The following SNTB2 variants were observed in gnomAD, a reference collection of about 807,000 sequenced individuals.
SNTB2 encodes syntrophin beta 2.
SNTB2 carries 34 observed loss-of-function variants against 46.2 expected under a neutral mutation model. The observed-to-expected ratio is 0.74, with a 90% confidence interval of 0.56 to 0.98. The LOEUF is 0.98. SNTB2 is among the 50% of genes least tolerant of loss of function. SNTB2 has a pLI of 0.00. For synonymous variants in SNTB2, 290 were observed against 312.6 expected (o/e 0.93, Z 0.76); for missense variants, 603 against 731.4 (o/e 0.82, Z 2.02).
intron 2 of SNTB2, 39 bp downstream of exon 2, chr16:69,245,854 T>G: frequency 6.3e-7 from 1 of 1,589,476 alleles, no homozygotes; most frequent in Non-Finnish European, 8.6e-7. Flanking sequence ...CCTACAGCTT[T>G]ACAAACTTAA....
chr16:69,292,278 T>C (rs1965166459), intron 5 of SNTB2, among the ~76,000 whole-genome samples: 2 of 144,906 alleles, frequency 1.4e-5, no homozygotes, highest in African/African-American at 5.2e-5. Context: ...GTGGATAACA[T>C]ATACACTGGT....
intron 1 of SNTB2, among the ~76,000 whole-genome samples, chr16:69,198,512 C>G (rs1964127822): frequency 6.6e-6 from 1 of 152,134 alleles, no homozygotes. Flanking sequence ...AAGATGTAGT[C>G]CATTCTTATT....
At chr16:69,247,313 C>G (rs956721580) in intron 2 of SNTB2, among the ~76,000 whole-genome samples, 7 of 152,062 alleles carry the variant, frequency 4.6e-5, no homozygotes, top group African/African-American at 1.4e-4. Context: ...TGTTCTATAA[C>G]TTTGTCTTCA....
intron 2 of SNTB2, among the ~76,000 whole-genome samples, chr16:69,256,285 T>G (rs1311513444): frequency 6.6e-6 from 1 of 152,150 alleles, no homozygotes; most frequent in Non-Finnish European, 1.5e-5. Context: ...CTCCCCAAAG[T>G]GTTGGGATTA....
At chr16:69,239,993 T>C (rs1334425780) in intron 1 of SNTB2, among the ~76,000 whole-genome samples, 1 of 152,220 alleles carries the variant, frequency 6.6e-6, no homozygotes, top group African/African-American at 2.4e-5. Flanking sequence ...AGTGTTCTAT[T>C]CTATAGCTGT....
chr16:69,188,037 G>C (rs1475463455), intron 1 of SNTB2, among the ~76,000 whole-genome samples: 1 of 152,084 alleles, frequency 6.6e-6, no homozygotes, highest in African/African-American at 2.4e-5. Context: ...GAACTTGAGG[G>C]AGAGCGAACG....
At chr16:69,258,605 C>CTTTTTTTTTTTTTTTTTTTT (rs67116274) in intron 2 of SNTB2, among the ~76,000 whole-genome samples, 1 of 83,504 alleles carries the variant, frequency 1.2e-5, no homozygotes, top group African/African-American at 4.7e-5. Flanking sequence ...CTTGTTCTTT[C>CTTTTTTTTTTTTTTTTTTTT]TTTTTTTTTT....
intron 1 of SNTB2, among the ~76,000 whole-genome samples, chr16:69,235,175 C>A (rs563399057): frequency 6.6e-6 from 1 of 150,838 alleles, no homozygotes; most frequent in Non-Finnish European, 1.5e-5. Context: ...CCATGCCCAG[C>A]TAATTTTTTT....
At chr16:69,268,079 T>C (rs1257335665) in intron 3 of SNTB2, among the ~76,000 whole-genome samples, 1 of 152,212 alleles carries the variant, frequency 6.6e-6, no homozygotes, top group African/African-American at 2.4e-5. Context: ...TAAATAGTAG[T>C]TGTTTTCTTG....
intron 1 of SNTB2, among the ~76,000 whole-genome samples, chr16:69,238,566 C>A (rs934369716): frequency 2.0e-5 from 3 of 152,278 alleles, no homozygotes; most frequent in Middle Eastern, 3.4e-3. Context: ...TAGCCTACAC[C>A]CATTTCCTGA....
Position 69,187,262 on chromosome 16 carries a change from G to C in SNTB2, c.96G>C (p.Leu32=). The C allele has an allele frequency of 6.7e-7, 1 of 1,489,588 alleles. No homozygotes were observed. Among genetic ancestry groups the C allele is most frequent in the Non-Finnish European group, 8.9e-7 (1 of 1,124,868 alleles). The allele number at this position is 1,489,588 out of a possible 1,614,324, so 92.3% of individuals were successfully genotyped here. A position where few individuals can be genotyped will look rare whatever the true frequency, so the allele number is the denominator to read the frequency against. ...ATKAGLVELL[L]RERWVRVVAE... ...AAGCGGGGCTGGTGGAGCTGCTCCT[G>C]AGGGAGCGCTGGGTCCGAGTGGTGG... Residue 32 remains leucine (L), a synonymous_variant, in exon 1 of 7, where the codon CTG becomes CTC. Transcript: ENST00000336278.
At chr16:69,295,870 A>G (rs1965218373) in intron 5 of SNTB2, among the ~76,000 whole-genome samples, 2 of 152,190 alleles carry the variant, frequency 1.3e-5, no homozygotes, top group Admixed American at 6.5e-5. Flanking sequence ...TCATTGCATC[A>G]CTGTGGTGTG....
intron 5 of SNTB2, among the ~76,000 whole-genome samples, chr16:69,286,391 A>G (rs1034419003): frequency 1.3e-5 from 2 of 152,116 alleles, no homozygotes; most frequent in African/African-American, 2.4e-5. Flanking sequence ...CATCTCTACA[A>G]TGAAAAATGA....
Position 69,187,172 on chromosome 16 carries a change from G to T in SNTB2, c.6G>T (p.Arg2Ser). The change falls in exon 1 of 7, where the codon AGG becomes AGT. Residue 2 changes from arginine (R) to serine (S), a missense_variant. Arg to Ser is a moderately radical substitution (Grantham distance 110). Around this residue, in one of 2 missense-constraint regions of SNTB2, gnomAD observed 66 missense variants for 39.0 expected, o/e 1.69. Transcript: ENST00000336278. Reference sequence around the variant, plus strand: ...GCCGAGGCTGCCTGACTGGAATGAGGGTAGCTGCGGCGACTGCGGCGGCTG... The same window carrying T: ...GCCGAGGCTGCCTGACTGGAATGAGTGTAGCTGCGGCGACTGCGGCGGCTG... MRVAAATAAAGA... is the reference protein window; with the variant it reads MSVAAATAAAGA... The T allele has an allele frequency of 7.3e-7, 1 of 1,369,854 alleles. No homozygotes were observed. The highest frequency in any genetic ancestry group is 2.9e-5 in the East Asian group (1 of 34,532). 84.9% of individuals were successfully genotyped at this position (1,369,854 alleles called of 1,614,324 possible).
At chr16:69,294,563 A>G (rs1163925765) in intron 5 of SNTB2, among the ~76,000 whole-genome samples, 1 of 142,550 alleles carries the variant, frequency 7.0e-6, no homozygotes, top group African/African-American at 2.6e-5. Flanking sequence ...ATCTCTACTG[A>G]AAAAAAAAAA....
intron 6 of SNTB2, among the ~76,000 whole-genome samples, chr16:69,300,306 A>G (rs898921372): frequency 4.0e-5 from 6 of 151,600 alleles, no homozygotes; most frequent in Admixed American, 2.0e-4. Context: ...GCTGGAGTGC[A>G]GTGGCACCAT....
chr16:69,223,434 A>G (rs975985982), intron 1 of SNTB2, among the ~76,000 whole-genome samples: 1 of 152,094 alleles, frequency 6.6e-6, no homozygotes, highest in Non-Finnish European at 1.5e-5. Context: ...ACTTCAGGTA[A>G]TGCACCTACC....
At chr16:69,275,433 C>T (rs1163728984) in intron 4 of SNTB2, among the ~76,000 whole-genome samples, 1 of 152,130 alleles carries the variant, frequency 6.6e-6, no homozygotes, top group Non-Finnish European at 1.5e-5. Flanking sequence ...TCAGGAAGTA[C>T]TGGTGGATTA....
chr16:69,279,846 TTAA>T (rs140487194), intron 4 of SNTB2, among the ~76,000 whole-genome samples: 19,786 of 146,964 alleles, frequency 0.13, 1,581 homozygotes, highest in Middle Eastern at 0.23. Flanking sequence ...CCCATTTTTT[TTAA>T]TTAATTAATT....
Sources: gnomAD v4.1 joint callset for allele counts (sites outside exome capture counted in the v4.1 genomes callset) on GRCh38, gnomAD v4.1.1 for gene constraint, gnomAD v4.1.1 regional missense constraint, MANE v1.5 for transcripts, NCBI Gene and HGNC (gene_info 2026-07-23, HGNC 2026-07-21) for gene names.